LIFR: variants seen among roughly 807,000 people sequenced by gnomAD.
The protein encoded by LIFR is leukemia inhibitory factor receptor.
Under a neutral mutation model 122.2 loss-of-function variants are expected in LIFR, and 84 were observed. The observed-to-expected ratio is 0.69, with a 90% confidence interval of 0.58 to 0.82. LIFR has a LOEUF of 0.82. Among genes scored for constraint, LIFR ranks in the 40% least tolerant of loss-of-function variants. The probability of loss-of-function intolerance (pLI) is 0.00; values close to 1 mark genes in which losing one functional copy is unlikely to be tolerated. For missense variants in LIFR, 1,294 were observed against 1,311.6 expected (o/e 0.99, Z 0.21); for synonymous variants, 422 against 434.7 (o/e 0.97, Z 0.36).
intron 2 of LIFR, 101 bp from the exon 3 acceptor site, chr5:38,528,941 C>A: frequency 1.3e-6 from 1 of 762,972 alleles, no homozygotes; most frequent in South Asian, 1.5e-5. Flanking sequence ...CAACCATTTT[C>A]AGTTGTAAGC....
chr5:38,511,890 T>C lies in LIFR; in HGVS notation c.636A>G (p.Glu212=). ...TAATTTCCACAAAATGAATGGCACA[T>C]TCCAAGGGCATATCTGAGGCCCAAC... ...HWSWASDMPL[E]CAIHFVEIRC... Residue 212 remains glutamate (E), a synonymous_variant, in exon 6 of 20, where the codon GAA becomes GAG. Transcript: ENST00000453190. The C allele has an allele frequency of 6.2e-7, 1 of 1,614,140 alleles. No homozygotes were observed. Among genetic ancestry groups the C allele is most frequent in the Non-Finnish European group, 8.5e-7 (1 of 1,179,992 alleles).
At chr5:38,558,140 T>A (rs934945015), upstream of LIFR, 1 of 152,042 alleles carries the variant, frequency 6.6e-6, no homozygotes, top group Non-Finnish European at 1.5e-5. Context: ...TTTTAATATA[T>A]ATTAATATAT....
chr5:38,488,916 A>C (rs975606488), intron 16 of LIFR, among the ~76,000 whole-genome samples, 162 bp downstream of exon 16: 34 of 152,236 alleles, frequency 2.2e-4, no homozygotes, highest in Non-Finnish European at 4.4e-4. Flanking sequence ...CTAAAATCTT[A>C]AAACTCTTAT....
intron 12 of LIFR, among the ~76,000 whole-genome samples, chr5:38,497,612 T>C (rs987886267): frequency 1.3e-5 from 2 of 152,050 alleles, no homozygotes; most frequent in East Asian, 3.9e-4. Context: ...ATTTGGAAAA[T>C]ATATAGAAGT....
At chr5:38,550,204 A>T (rs977544229) in intron 1 of LIFR, 23 of 942,720 alleles carry the variant, frequency 2.4e-5, no homozygotes, top group Non-Finnish European at 2.8e-5. Context: ...ACAATTTCCA[A>T]AATCCTCCAG....
In LIFR at chr5:38,499,686, A is replaced by C; in HGVS notation, c.1601-103T>G. 3.6e-6 allele frequency: 3 copies of C among 844,384 alleles called. No homozygotes were observed. The South Asian group carries it at 4.2e-5, about 12-fold the overall frequency. 52.3% of individuals were successfully genotyped at this position (844,384 alleles called of 1,614,324 possible). Reference sequence around the variant, plus strand: ...TGTTTGGAATTCTCAATAAAACGTGAAGCAGTTCAGTGGCTTCCACTTAGA... The same window carrying C: ...TGTTTGGAATTCTCAATAAAACGTGCAGCAGTTCAGTGGCTTCCACTTAGA... On this transcript the variant is annotated intron_variant, in intron 11 of 19. Coordinates refer to ENST00000453190, the MANE Select transcript of LIFR (RefSeq NM_001127671.2).
intron 16 of LIFR, among the ~76,000 whole-genome samples, chr5:38,488,071 C>T (rs115134385): frequency 6.6e-6 from 1 of 152,222 alleles, no homozygotes; most frequent in African/African-American, 2.4e-5. Flanking sequence ...CTTTAGTGAC[C>T]CATCTACCAT....
At chr5:38,550,401 GAACTT>G (rs1455342505) in intron 1 of LIFR, 1 of 176,060 alleles carries the variant, frequency 5.7e-6, no homozygotes, top group Non-Finnish European at 1.1e-5. Context: ...CCAGTAGGCT[GAACTT>G]AACAGAATGG....
chr5:38,571,561 T>G (rs1580210624), intron 1 of LIFR, among the ~76,000 whole-genome samples: 1 of 138,700 alleles, frequency 7.2e-6, no homozygotes, highest in African/African-American at 2.6e-5. Flanking sequence ...AGCACTAGCC[T>G]CCTTCTCCTC....
chr5:38,499,246 G>C (rs1745048970), intron 12 of LIFR, among the ~76,000 whole-genome samples: 1 of 152,140 alleles, frequency 6.6e-6, no homozygotes, highest in South Asian at 2.1e-4. Context: ...GAGGGAGATG[G>C]AATTCATGAA....
intron 1 of LIFR, among the ~76,000 whole-genome samples, chr5:38,574,018 A>G (rs1749300910): frequency 6.6e-6 from 1 of 152,130 alleles, no homozygotes; most frequent in South Asian, 2.1e-4. Flanking sequence ...TGGGAGGCTG[A>G]GGCAGGAGAA....
rs1430976587 is a variant in LIFR at position 38,523,582 on chromosome 5, G to A, written c.398C>T (p.Ser133Phe). 2 of 1,610,644 alleles carry A rather than the reference G, an allele frequency of 1.2e-6. No homozygotes were observed. Among genetic ancestry groups the A allele is most frequent in the Admixed American group, 1.7e-5 (1 of 59,944 alleles). The change falls in exon 5 of 20, where the codon TCC becomes TTC. Residue 133 changes from serine (S) to phenylalanine (F), a missense_variant and splice_region_variant. By Grantham distance (155) the Ser-to-Phe change is radical. Transcript: ENST00000453190. ...SKFTLNEQNV[S>F]LIPDTPEILN... The stretch of plus-strand genomic sequence containing the variant: ...GATCTCTGGAGTATCTGGAATTAAG[G>A]CTTTAAAAAGAGGAAACAAAAGAGA...
chr5:38,597,011 C>G (rs374705467), upstream of LIFR, among the ~76,000 whole-genome samples: 4 of 152,230 alleles, frequency 2.6e-5, no homozygotes, highest in South Asian at 4.1e-4. Flanking sequence ...ATGTCCCCAT[C>G]ATCAGCTAGA....
chr5:38,538,562 T>C (rs758842449), intron 1 of LIFR, among the ~76,000 whole-genome samples: 4 of 152,224 alleles, frequency 2.6e-5, no homozygotes, highest in Non-Finnish European at 5.9e-5. Flanking sequence ...TCTTAGCCCA[T>C]GGCACCAGTG....
At chr5:38,535,684 G>A (rs554914621) in intron 1 of LIFR, among the ~76,000 whole-genome samples, 63 of 152,162 alleles carry the variant, frequency 4.1e-4, no homozygotes, top group African/African-American at 1.5e-3. Context: ...AAACACATCC[G>A]AGTTCACTGT....
upstream of LIFR, among the ~76,000 whole-genome samples, chr5:38,596,154 T>C (rs1383861960): frequency 2.6e-5 from 4 of 152,192 alleles, no homozygotes; most frequent in Admixed American, 6.5e-5. Flanking sequence ...TGGAGCAATA[T>C]GGACAATTTG....
At chr5:38,596,649 C>T (rs1000990540), upstream of LIFR, among the ~76,000 whole-genome samples, 3 of 152,168 alleles carry the variant, frequency 2.0e-5, no homozygotes, top group African/African-American at 7.2e-5. Context: ...CTAGCTTCTA[C>T]CATCCTGTCA....
intron 1 of LIFR, among the ~76,000 whole-genome samples, chr5:38,545,315 C>T (rs1225956886): frequency 6.6e-6 from 1 of 151,592 alleles, no homozygotes; most frequent in Admixed American, 6.6e-5. Context: ...AATGTACATA[C>T]GGTTTAACAT....
chr5:38,564,745 C>CT (rs368860615), intron 1 of LIFR, among the ~76,000 whole-genome samples: 5,882 of 134,286 alleles, frequency 0.044, 123 homozygotes, highest in South Asian at 0.058. Flanking sequence ...TACACACACA[C>CT]ACACACACAC....
Sources: gnomAD v4.1 joint callset for allele counts (sites outside exome capture counted in the v4.1 genomes callset) on GRCh38, gnomAD v4.1.1 for gene constraint, MANE v1.5 for transcripts, NCBI Gene and HGNC (gene_info 2026-07-23, HGNC 2026-07-21) for gene names.